The following NUCB2 variants were observed in gnomAD, a reference collection of about 807,000 sequenced individuals.
NUCB2 encodes the protein nucleobindin 2, also known as nucleobindin-2.
A neutral mutation model predicts 57.9 loss-of-function variants in NUCB2; 48 were observed. That is an observed-to-expected ratio of 0.83 (90% confidence interval 0.66 to 1.05). NUCB2 has a LOEUF of 1.05. NUCB2 is among the 50% of genes least tolerant of loss of function. NUCB2 has a pLI of 0.00. For synonymous variants in NUCB2, 139 were observed against 152.1 expected, an observed-to-expected ratio of 0.91 and a Z score of 0.64; for missense variants, 442 against 476.2, an observed-to-expected ratio of 0.93 and a Z score of 0.67.
chr11:17,323,221 A>G (rs1250462363), intron 11 of NUCB2, among the ~76,000 whole-genome samples: 1 of 152,136 alleles, frequency 6.6e-6, no homozygotes, highest in Non-Finnish European at 1.5e-5. Flanking sequence ...TGGGTCTGTC[A>G]TATATGCCTT....
intron 11 of NUCB2, among the ~76,000 whole-genome samples, chr11:17,326,010 T>C (rs1264968052): frequency 6.6e-6 from 1 of 152,106 alleles, no homozygotes; most frequent in Non-Finnish European, 1.5e-5. Context: ...TTTTCTTTTT[T>C]TTTTTTCGAG....
At chr11:17,318,418 A>AT (rs894719732) in intron 11 of NUCB2, among the ~76,000 whole-genome samples, 17 of 152,080 alleles carry the variant, frequency 1.1e-4, no homozygotes, top group African/African-American at 4.1e-4. Context: ...GTATATAAAC[A>AT]TTTTTTTAGG....
Position 17,295,434 on chromosome 11 carries a change from T to A in NUCB2, c.111T>A (p.Ile37=). The A allele has an allele frequency of 6.2e-7, 1 of 1,612,864 alleles. No individual in the cohort carries two copies. Among genetic ancestry groups the A allele is most frequent in the Non-Finnish European group, 8.5e-7 (1 of 1,179,582 alleles). The change falls in exon 3 of 14, where the codon ATT becomes ATA. Residue 37 remains isoleucine (I), a synonymous_variant. Coordinates refer to ENST00000529010, the MANE Select transcript of NUCB2 (RefSeq NM_005013.4). ...TAGACAAGACAAAAGTACAAAATAT[T>A]CACCCTGTGGAAAGTGCGAAGATAG... ...IDIDKTKVQN[I]HPVESAKIEP... is the part of the protein sequence containing the mutation.
chr11:17,339,176 C>T (rs1031396484), intron 2 of NUCB2, among the ~76,000 whole-genome samples: 9 of 149,766 alleles, frequency 6.0e-5, no homozygotes, highest in African/African-American at 9.9e-5. Flanking sequence ...TCAGTAGAGA[C>T]GGGGTTTTGC....
intron 2 of NUCB2, among the ~76,000 whole-genome samples, chr11:17,289,690 G>A (rs989614734): frequency 6.6e-6 from 1 of 152,056 alleles, no homozygotes. Context: ...GTTTAATATG[G>A]CAACAACTTT....
At chr11:17,329,759 C>T (rs1273449745) in intron 11 of NUCB2, among the ~76,000 whole-genome samples, 2 of 152,270 alleles carry the variant, frequency 1.3e-5, no homozygotes, top group Middle Eastern at 3.4e-3. Flanking sequence ...GAGTGCTCAC[C>T]TGATGTTTGC....
intron 4 of NUCB2, among the ~76,000 whole-genome samples, chr11:17,300,640 T>G (rs1167776124): frequency 2.6e-5 from 4 of 152,236 alleles, no homozygotes; most frequent in African/African-American, 9.6e-5. Context: ...TGCCATTGTA[T>G]TGGTATACTA....
intron 4 of NUCB2, 92 bp from the exon 5 acceptor site, chr11:17,301,652 C>CATTGTTACAAATGTTACAAAACATTGTT: frequency 1.3e-6 from 1 of 757,936 alleles, no homozygotes. Flanking sequence ...AAGTATTTAT[C>CATTGTTACAAATGTTACAAAACATTGTT]ACTAATGTAT....
chr11:17,306,478 G>T (rs1947655597), intron 5 of NUCB2, among the ~76,000 whole-genome samples: 1 of 152,166 alleles, frequency 6.6e-6, no homozygotes, highest in African/African-American at 2.4e-5. Flanking sequence ...ATGCTACTTG[G>T]GGTAGTCAGG....
intron 11 of NUCB2, among the ~76,000 whole-genome samples, chr11:17,328,814 C>T (rs991867865): frequency 1.4e-4 from 22 of 152,248 alleles, no homozygotes; most frequent in Admixed American, 1.3e-3. Context: ...TGAGCTGGTA[C>T]CTAGGGTGCA....
chr11:17,280,567 C>G (rs1001537733), intron 1 of NUCB2, among the ~76,000 whole-genome samples: 1 of 152,194 alleles, frequency 6.6e-6, no homozygotes, highest in South Asian at 2.1e-4. Flanking sequence ...AAGAAGCAAT[C>G]CACGTTTCCT....
chr11:17,287,214 C>T (rs537620687), intron 2 of NUCB2, among the ~76,000 whole-genome samples: 56 of 151,922 alleles, frequency 3.7e-4, no homozygotes, highest in Non-Finnish European at 7.2e-4. Flanking sequence ...TGCTTGTGGT[C>T]CCAGCTACTT....
At chr11:17,293,118 G>C (rs1341993450) in intron 2 of NUCB2, among the ~76,000 whole-genome samples, 1 of 152,072 alleles carries the variant, frequency 6.6e-6, no homozygotes, top group East Asian at 1.9e-4. Context: ...GCTGGGCGTG[G>C]TGGTGGGTAC....
At chr11:17,305,144 C>G (rs1481194064) in intron 5 of NUCB2, among the ~76,000 whole-genome samples, 1 of 152,042 alleles carries the variant, frequency 6.6e-6, no homozygotes, top group Non-Finnish European at 1.5e-5. Context: ...GCCAACATGG[C>G]AAAACCCTGT....
chr11:17,294,878 G>A (rs1033401161), intron 2 of NUCB2, among the ~76,000 whole-genome samples: 1 of 151,886 alleles, frequency 6.6e-6, no homozygotes, highest in Non-Finnish European at 1.5e-5. Flanking sequence ...AGAAACCCCC[G>A]TCTCTACTAA....
chr11:17,278,896 GA>G (rs1941939442), intron 1 of NUCB2, among the ~76,000 whole-genome samples: 1 of 152,060 alleles, frequency 6.6e-6, no homozygotes, highest in Admixed American at 6.6e-5. Flanking sequence ...AAAATGTATT[GA>G]AAATAATCCT....
At chr11:17,282,256 A>ATTTT (rs756983829) in intron 1 of NUCB2, among the ~76,000 whole-genome samples, 1 of 108,300 alleles carries the variant, frequency 9.2e-6, no homozygotes, top group African/African-American at 3.9e-5. Context: ...ATATATATAT[A>ATTTT]TATTTTTTTT....
At position 17,288,948 on chromosome 11, in the gene NUCB2, CACATATAT is replaced by C. The variant is rs1235665181; in HGVS notation, c.-1+6007_-1+6014del. On this transcript the variant is annotated intron_variant, in intron 2 of 13. Coordinates refer to ENST00000529010, the MANE Select transcript of NUCB2 (RefSeq NM_005013.4). Reference sequence around the variant, plus strand: ...ACACACACACACACACACACACACACACATATATATATATATTTTTTTTTTTTGAGATG... The same window carrying C: ...ACACACACACACACACACACACACACATATATATTTTTTTTTTTTGAGATG... 1.9e-3 allele frequency among the ~76,000 whole-genome samples: 109 copies of C among 57,194 alleles called. 10 individuals are homozygous for C. The highest frequency in any genetic ancestry group is 2.1e-3 in the South Asian group (3 of 1,428). 37.5% of individuals were successfully genotyped at this position (57,194 alleles called of 152,430 possible).
chr11:17,343,450 C>T (rs926942302), intron 2 of NUCB2, among the ~76,000 whole-genome samples: 1 of 152,172 alleles, frequency 6.6e-6, no homozygotes, highest in African/African-American at 2.4e-5. Flanking sequence ...TAAATCCCCG[C>T]CCTTGCTTTA....
Sources: allele counts gnomAD v4.1 joint callset (sites outside exome capture counted in the v4.1 genomes callset), GRCh38; gene constraint gnomAD v4.1.1; transcripts MANE v1.5; gene names NCBI Gene and HGNC (gene_info 2026-07-23, HGNC 2026-07-21).